PDK1: variants seen among roughly 807,000 people sequenced by gnomAD.
PDK1 encodes the protein [Pyruvate dehydrogenase (acetyl-transferring)] kinase isozyme 1, mitochondrial.
Under a neutral mutation model 54.2 loss-of-function variants are expected in PDK1, and 39 were observed. The observed-to-expected ratio is 0.72, with a 90% CI of 0.56 to 0.94. PDK1 has a LOEUF of 0.94. Among genes scored for constraint, PDK1 ranks in the 40% least tolerant of loss-of-function variants. The pLI is 0.00. For missense variants in PDK1, 552 were observed against 566.0 expected (o/e 0.98, Z 0.25); for synonymous variants, 221 against 207.1 (o/e 1.07, Z -0.58).
intron 2 of PDK1, among the ~76,000 whole-genome samples, chr2:172,561,737 A>G (rs1688664810): frequency 6.6e-6 from 1 of 152,230 alleles, no homozygotes; most frequent in Non-Finnish European, 1.5e-5. Context: ...TAGGCTTTCA[A>G]TAAATACTTG....
In PDK1 at chr2:172,606,376, G is replaced by C. The variant is rs987868094; in HGVS notation, c.*10407G>C. ...GATGTAATGAATACTTACCATTTTT[G>C]TGGAAGCCCACAACCTTTTGAATGG... is the stretch of plus-strand genomic sequence containing the variant. On this transcript the variant is annotated 3_prime_UTR_variant, in exon 11 of 11. Transcript: ENST00000282077. The C allele has an allele frequency of 1.2e-4, 19 of 152,152 alleles. No homozygotes were observed. The highest frequency in any genetic ancestry group is 1.0e-3 in the Admixed American group (16 of 15,274). 9.4% of individuals were successfully genotyped at this position (152,152 alleles called of 1,614,324 possible). A position where few individuals can be genotyped will look rare whatever the true frequency, so the allele number is the denominator to read the frequency against.
At chr2:172,669,676 C>A in the PDK1 span, among the ~76,000 whole-genome samples, 1 of 152,146 alleles carries the variant, frequency 6.6e-6, no homozygotes, top group Admixed American at 6.5e-5. Flanking sequence ...CTTACCAACA[C>A]TTGTTTTGGT....
chr2:172,629,197 C>T, the PDK1 span, among the ~76,000 whole-genome samples: 1 of 152,152 alleles, frequency 6.6e-6, no homozygotes, highest in African/African-American at 2.4e-5. Flanking sequence ...CAGGGAAATA[C>T]TGGGTAGAAG....
At chr2:172,563,824 A>C (rs1270049664) in intron 3 of PDK1, among the ~76,000 whole-genome samples, 4 of 152,032 alleles carry the variant, frequency 2.6e-5, no homozygotes, top group Non-Finnish European at 5.9e-5. Flanking sequence ...ACAAGAGCAA[A>C]ATTCCATCTC....
At chr2:172,664,214 G>A in the PDK1 span, among the ~76,000 whole-genome samples, 9 of 148,078 alleles carry the variant, frequency 6.1e-5, no homozygotes, top group Non-Finnish European at 1.3e-4. Context: ...GGGAGGCTGA[G>A]GTGGGAGAAT....
the PDK1 span, among the ~76,000 whole-genome samples, chr2:172,654,946 GA>G: frequency 6.6e-6 from 1 of 152,082 alleles, no homozygotes; most frequent in African/African-American, 2.4e-5. Context: ...AGGGGATTGG[GA>G]TTTTGTCAGT....
chr2:172,594,041 T>C (rs1345513169), intron 10 of PDK1, among the ~76,000 whole-genome samples: 3 of 150,942 alleles, frequency 2.0e-5, no homozygotes, highest in East Asian at 3.9e-4. Flanking sequence ...GTTTTTCTTT[T>C]TTTTTTTTTT....
chr2:172,599,241 TA>T lies in PDK1; in HGVS notation c.*3275del, dbSNP rs1246450200. On this transcript the variant is annotated 3_prime_UTR_variant, in exon 11 of 11. Coordinates refer to ENST00000282077, the MANE Select transcript of PDK1 (RefSeq NM_002610.5). ...ATGGCAGAACTACTATAGTCAAAAA[TA>T]AATTCCTATCCTATTTTTAATTGAT... 1 of 151,034 alleles carries T rather than the reference TA, an allele frequency of 6.6e-6. No individual in the cohort carries two copies. Among genetic ancestry groups the T allele is most frequent in the Non-Finnish European group, 1.5e-5 (1 of 67,860 alleles). The allele number at this position is 151,034 out of a possible 1,614,324, so 9.4% of individuals were successfully genotyped here. A position where few individuals can be genotyped will look rare whatever the true frequency, so the allele number is the denominator to read the frequency against.
At chr2:172,587,812 A>G (rs1239508151) in intron 9 of PDK1, among the ~76,000 whole-genome samples, 1 of 152,212 alleles carries the variant, frequency 6.6e-6, no homozygotes, top group Non-Finnish European at 1.5e-5. Context: ...ACCTTTAGCT[A>G]GCTAGACACA....
intron 2 of PDK1, among the ~76,000 whole-genome samples, chr2:172,560,022 T>G (rs1032724051): frequency 6.6e-5 from 10 of 152,340 alleles, no homozygotes; most frequent in Middle Eastern, 6.8e-3. Flanking sequence ...TTTTGTATTT[T>G]TTAGCAGAGA....
chr2:172,586,447 C>T (rs1690234823), intron 9 of PDK1, 59 bp downstream of exon 9: 3 of 1,024,316 alleles, frequency 2.9e-6, no homozygotes, highest in Non-Finnish European at 4.6e-6. Context: ...CATGCTGTAG[C>T]TGCCAAATAA....
At chr2:172,699,797 T>C in the PDK1 span, among the ~76,000 whole-genome samples, 2 of 152,060 alleles carry the variant, frequency 1.3e-5, no homozygotes, top group Non-Finnish European at 2.9e-5. Context: ...CTTGGGTGTT[T>C]CTCGTAGAGG....
the PDK1 span, among the ~76,000 whole-genome samples, chr2:172,614,854 AAC>A: frequency 1.3e-5 from 2 of 152,236 alleles, no homozygotes; most frequent in African/African-American, 2.4e-5. Context: ...CTAATTCAGA[AAC>A]ACAAAAAGAT....
chr2:172,719,856 T>C, the PDK1 span, among the ~76,000 whole-genome samples: 1 of 152,362 alleles, frequency 6.6e-6, no homozygotes, highest in Non-Finnish European at 1.5e-5. Context: ...GAATCATCTC[T>C]GAGTTTTGTT....
At chr2:172,623,382 T>C in the PDK1 span, among the ~76,000 whole-genome samples, 3 of 152,268 alleles carry the variant, frequency 2.0e-5, no homozygotes, top group Non-Finnish European at 4.4e-5. Context: ...AAAATGCAAG[T>C]GCTAAGCCAA....
At chr2:172,555,855 T>A (rs1688279493), upstream of PDK1, 2 of 278,858 alleles carry the variant, frequency 7.2e-6, no homozygotes, top group East Asian at 1.3e-4. Flanking sequence ...TGGGGCGGGA[T>A]CTGGGCGGCG....
chr2:172,594,486 AT>A (rs1690784255), intron 10 of PDK1, among the ~76,000 whole-genome samples: 1 of 152,328 alleles, frequency 6.6e-6, no homozygotes, highest in African/African-American at 2.4e-5. Context: ...ACAAAAAAAA[AT>A]CTCATAATGT....
the PDK1 span, among the ~76,000 whole-genome samples, chr2:172,621,638 T>C: frequency 6.8e-6 from 1 of 146,390 alleles, no homozygotes; most frequent in African/African-American, 2.5e-5. Context: ...ATCATATGTT[T>C]ATATATCATA....
the PDK1 span, among the ~76,000 whole-genome samples, chr2:172,632,199 G>A: frequency 2.6e-5 from 4 of 151,696 alleles, no homozygotes; most frequent in South Asian, 2.1e-4. Flanking sequence ...CCCAGGAGGC[G>A]GAGATTGCAG....
Sources: allele counts gnomAD v4.1 joint callset (sites outside exome capture counted in the v4.1 genomes callset), GRCh38; gene constraint gnomAD v4.1.1; transcripts MANE v1.5; gene names NCBI Gene and HGNC (gene_info 2026-07-23, HGNC 2026-07-21).